Variants in HEATR5B observed in about 807,000 individuals in gnomAD.
HEATR5B encodes the protein HEAT repeat-containing protein 5B.
A neutral mutation model predicts 224.1 loss-of-function variants in HEATR5B; 156 were observed. The observed-to-expected ratio is 0.70, with a 90% CI of 0.61 to 0.80. The LOEUF is 0.80. Among genes scored for constraint, HEATR5B ranks in the 30% least tolerant of loss-of-function variants. HEATR5B has a pLI of 0.00. For missense variants in HEATR5B, 2,323 were observed against 2,535.5 expected (o/e 0.92, Z 1.80); for synonymous variants, 1,027 against 893.0 (o/e 1.15, Z -2.68).
chr2:37,037,248 C>T (rs199636669), intron 21 of HEATR5B, among the ~76,000 whole-genome samples: 6 of 149,630 alleles, frequency 4.0e-5, no homozygotes, highest in Non-Finnish European at 7.4e-5. Flanking sequence ...TGGGTTCAAG[C>T]GATTCTCCTG....
At chr2:37,027,169 G>A (rs373823123) in intron 24 of HEATR5B, among the ~76,000 whole-genome samples, 18 of 152,172 alleles carry the variant, frequency 1.2e-4, no homozygotes, top group African/African-American at 4.1e-4. Flanking sequence ...AACCCAAAAG[G>A]CATTTTCAAT....
At chr2:37,083,523 A>T in intron 1 of HEATR5B, 87 bp from the exon 2 acceptor site, 5 of 926,678 alleles carry the variant, frequency 5.4e-6, no homozygotes, top group Non-Finnish European at 8.0e-6. Context: ...TAAGAAAAGT[A>T]GGACTACTCA....
At chr2:37,076,288 T>C (rs946937792) in intron 4 of HEATR5B, 1 of 152,220 alleles carries the variant, frequency 6.6e-6, no homozygotes. Context: ...AATAGACAAA[T>C]AGTTCCCAGA....
At chr2:37,003,383 C>A (rs571189049) in intron 31 of HEATR5B, among the ~76,000 whole-genome samples, 159 bp downstream of exon 31, 1 of 151,094 alleles carries the variant, frequency 6.6e-6, no homozygotes, top group South Asian at 2.1e-4. Context: ...CTACACTGAA[C>A]TATAATCACA....
intron 30 of HEATR5B, 141 bp downstream of exon 30, chr2:37,005,491 G>A: frequency 4.0e-6 from 3 of 755,908 alleles, no homozygotes; most frequent in Non-Finnish European, 4.3e-6. Context: ...AAGTAACTGG[G>A]TGAATAAATA....
intron 21 of HEATR5B, among the ~76,000 whole-genome samples, chr2:37,034,341 C>T (rs760688328): frequency 2.1e-4 from 29 of 138,368 alleles, no homozygotes; most frequent in Admixed American, 8.5e-4. Context: ...CGGCCGGGCG[C>T]GGTGGCTCAC....
Position 37,040,502 on chromosome 2 carries a change from G to A in HEATR5B, c.2873C>T (p.Ser958Leu), listed in dbSNP as rs1478265371. Residue 958 changes from serine (S) to leucine (L), a missense_variant, in exon 20 of 36, where the codon TCA (serine) becomes TTA (leucine). By Grantham distance (145) the Ser-to-Leu change is moderately radical. This residue lies in a region of HEATR5B where 44 missense variants were observed against 39.0 expected (regional missense o/e 1.13). Coordinates refer to ENST00000233099, the MANE Select transcript of HEATR5B (RefSeq NM_019024.3). Reference sequence around the variant, plus strand: ...ACTAGAATCCACTATCAAAGCAAGTGAATGAAGAGACCAAGTCTAGAATAA... The same window carrying A: ...ACTAGAATCCACTATCAAAGCAAGTAAATGAAGAGACCAAGTCTAGAATAA... The part of the protein sequence containing the change: ...SPEVQTWSLH[S>L]LALIVDSSGP... The A allele has an allele frequency of 6.2e-7, 1 of 1,606,054 alleles. No homozygotes were observed. The highest frequency in any genetic ancestry group is 8.5e-7 in the Non-Finnish European group (1 of 1,177,370).
At position 36,987,653 on chromosome 2, in the gene HEATR5B, A is replaced by T. The variant is rs915028843; in HGVS notation, c.5911+993T>A. Among the ~76,000 whole-genome samples the T allele has an allele frequency of 7.9e-5, 12 of 152,326 alleles. No individual in the cohort carries two copies. The East Asian group carries it at 2.3e-3, about 29-fold the overall frequency. On this transcript the variant is annotated intron_variant, in intron 35 of 35. Transcript: ENST00000233099. ...ATGCAGTAGTTTTTCATTAAATTAA[A>T]AAAAATTCTAAATAACAAGTTTTGA...
intron 33 of HEATR5B, among the ~76,000 whole-genome samples, chr2:36,995,827 T>G (rs1666663637): frequency 6.6e-6 from 1 of 152,178 alleles, no homozygotes; most frequent in Non-Finnish European, 1.5e-5. Flanking sequence ...TGTTGTAAGA[T>G]AGATATAATA....
At chr2:37,041,423 C>T in intron 18 of HEATR5B, 131 bp from the exon 19 acceptor site, 1 of 776,164 alleles carries the variant, frequency 1.3e-6, no homozygotes, top group Non-Finnish European at 2.1e-6. Context: ...CTTCTTTCTC[C>T]ACTCCCTAAC....
intron 35 of HEATR5B, among the ~76,000 whole-genome samples, chr2:36,986,434 C>G (rs1180378783): frequency 6.6e-6 from 1 of 152,108 alleles, no homozygotes; most frequent in African/African-American, 2.4e-5. Flanking sequence ...TTCTTTTCTT[C>G]TACTGGCATA....
intron 27 of HEATR5B, 43 bp downstream of exon 27, chr2:37,013,797 TG>T: frequency 6.8e-7 from 1 of 1,465,486 alleles, no homozygotes; most frequent in Non-Finnish European, 9.1e-7. Context: ...TTCTCATGGA[TG>T]AAGAAATGGG....
chr2:37,082,072 TTTTTTTTTTTTTTTCAGATGGAGTTTCAC>T (rs1391533116), intron 2 of HEATR5B, among the ~76,000 whole-genome samples: 99 of 102,474 alleles, frequency 9.7e-4, no homozygotes, highest in African/African-American at 3.2e-3. Flanking sequence ...TTTTTTTTTT[TTTTTTTTTTTTTTTCAGATGGAGTTTCAC>T]TCTTGTCCCC....
chr2:36,994,627 A>AAATTC (rs570579705), intron 33 of HEATR5B, among the ~76,000 whole-genome samples: 232 of 152,344 alleles, frequency 1.5e-3, no homozygotes, highest in African/African-American at 5.2e-3. Context: ...TCAGACCTTT[A>AAATTC]AATTCACCTC....
rs200585916 is a variant in HEATR5B at position 37,053,601 on chromosome 2, T to C, written c.2406A>G (p.Gln802=). The change falls in exon 17 of 36, where the codon CAA becomes CAG. Residue 802 remains glutamine (Q), a synonymous_variant. Transcript: ENST00000233099. ...FPHVSYKHRL[Q]MLDHFAECVK... ...CACATTCAGCAAAGTGATCCAACAT[T>C]TGTAATCTATAACAATAAGAAAAAA... is the stretch of plus-strand genomic sequence containing the variant. 14 of 1,593,596 alleles carry C rather than the reference T, an allele frequency of 8.8e-6. No homozygotes were observed. In the East Asian group the frequency reaches 2.7e-4, roughly 31 times the overall value.
intron 2 of HEATR5B, among the ~76,000 whole-genome samples, chr2:37,082,488 C>G (rs955744102): frequency 6.6e-6 from 1 of 152,204 alleles, no homozygotes; most frequent in Non-Finnish European, 1.5e-5. Flanking sequence ...CTCTGCAGCA[C>G]TGTGACATGT....
rs921432694 is a variant in HEATR5B, at chr2:37,041,146, G to T, written c.2843C>A (p.Ser948Tyr). Residue 948 changes from serine to tyrosine, a missense_variant, in exon 19 of 36, where the codon TCC (serine) becomes TAC (tyrosine). Coordinates refer to ENST00000233099, the MANE Select transcript of HEATR5B (RefSeq NM_019024.3). ...ILLALAQDGT[S>Y]PEVQTWSLHS... ...ATTATATTATACCTGGACTTCAGGG[G>T]ATGTCCCATCTTGTGCTAGAGCCAA... 3.7e-6 allele frequency: 6 copies of T among 1,613,514 alleles called. No individual in the cohort carries two copies. Among genetic ancestry groups the T allele is most frequent in the Non-Finnish European group, 4.2e-6 (5 of 1,179,774 alleles).
In HEATR5B at chr2:37,079,103, T is replaced by G; in HGVS notation, c.338+17A>C. The G allele has an allele frequency of 6.7e-7, 1 of 1,486,642 alleles. No homozygotes were observed. The highest frequency in any genetic ancestry group is 1.2e-5 in the South Asian group (1 of 84,452). 92.1% of individuals were successfully genotyped at this position (1,486,642 alleles called of 1,614,324 possible). The stretch of plus-strand genomic sequence containing the variant: ...AAAAATAAAACTTCAAGGGCCCCTA[T>G]TAAAGTAAGTACTTACAATTTTGTT... On this transcript the variant is annotated intron_variant, in intron 3 of 35. Coordinates refer to ENST00000233099, the MANE Select transcript of HEATR5B (RefSeq NM_019024.3).
intron 3 of HEATR5B, among the ~76,000 whole-genome samples, 198 bp from the exon 4 acceptor site, chr2:37,077,217 ATAGT>A (rs1230804567): frequency 1.3e-5 from 2 of 152,224 alleles, no homozygotes; most frequent in Non-Finnish European, 2.9e-5. Context: ...GTTAAATACT[ATAGT>A]TAAATTGTAT....
Sources: allele counts gnomAD v4.1 joint callset (sites outside exome capture counted in the v4.1 genomes callset), GRCh38; gene constraint gnomAD v4.1.1; regional missense constraint gnomAD v4.1.1; transcripts MANE v1.5; gene names NCBI Gene and HGNC (gene_info 2026-07-23, HGNC 2026-07-21).